The following SLCO1A2 variants were observed in gnomAD, a reference collection of about 807,000 sequenced individuals.
SLCO1A2 encodes OATP-1.
SLCO1A2 carries 67 observed loss-of-function variants against 69.0 expected under a neutral mutation model. The ratio of observed to expected loss-of-function variants is 0.97; its 90% CI spans 0.80 to 1.19. The LOEUF (loss-of-function observed/expected upper bound fraction) is 1.19, where lower values mean the gene tolerates loss of function less well. SLCO1A2 is among the 50% of genes most tolerant of loss of function. The pLI is 0.00. For missense variants in SLCO1A2, 787 were observed against 793.7 expected (o/e 0.99, Z 0.10); for synonymous variants, 260 against 265.9 (o/e 0.98, Z 0.22).
intron 14 of SLCO1A2, 130 bp from the exon 15 acceptor site, chr12:21,269,897 G>T: frequency 1.9e-6 from 1 of 520,866 alleles, no homozygotes; most frequent in Non-Finnish European, 3.1e-6. Context: ...TCTTATATAA[G>T]CAACTTTGCT....
rs1941856289 is a variant in SLCO1A2, at chr12:21,408,390, A to G, written c.-312+9492T>C. Among the ~76,000 whole-genome samples, 6 of 152,182 alleles carry G rather than the reference A, an allele frequency of 3.9e-5. No individual in the cohort carries two copies. The South Asian group carries it at 1.2e-3, about 32-fold the overall frequency. ...AGGTCATCATTCCTCCCTCAGCAAC[A>G]GTGAAACATAGAGTCCTTTAAGTTG... On this transcript the variant is annotated intron_variant, in intron 1 of 4. Transcript: ENST00000413682.
chr12:21,273,670 C>T lies in SLCO1A2; in HGVS notation c.1793+799G>A, dbSNP rs914777615. On this transcript the variant is annotated intron_variant, in intron 14 of 14. Transcript: ENST00000683939. ...CCTCAACTGTGGTAGAAATCCACCG[C>T]ATACATAGCATGTAGCTGAGCTTCC... is the stretch of plus-strand genomic sequence containing the variant. 3.3e-5 allele frequency among the ~76,000 whole-genome samples: 5 copies of T among 152,164 alleles called. No homozygotes were observed. The South Asian group carries it at 1.0e-3, about 32-fold the overall frequency.
chr12:21,323,184 T>C (rs1160985790), intron 2 of SLCO1A2, among the ~76,000 whole-genome samples: 1 of 152,240 alleles, frequency 6.6e-6, no homozygotes, highest in Non-Finnish European at 1.5e-5. Flanking sequence ...TGCATTGAGC[T>C]ACTATAATCT....
rs780412909 is a variant in SLCO1A2 at position 21,266,992 on chromosome 12, CTT to C, written c.*2554_*2555del. On this transcript the variant is annotated 3_prime_UTR_variant, in exon 15 of 15. Transcript: ENST00000683939. Reference sequence around the variant, plus strand: ...CTCTCGACTTCTCACTACCTGTTCTCTTGTTTCTCTTCTCCATGTCTGTCCGC... The same window carrying C: ...CTCTCGACTTCTCACTACCTGTTCTCGTTTCTCTTCTCCATGTCTGTCCGC... 1.3e-5 allele frequency: 2 copies of C among 152,050 alleles called. No homozygotes were observed. The highest frequency in any genetic ancestry group is 4.8e-5 in the African/African-American group (2 of 41,412). 9.4% of individuals were successfully genotyped at this position (152,050 alleles called of 1,614,324 possible).
chr12:21,297,363 G>A (rs746449456), intron 9 of SLCO1A2, 41 bp downstream of exon 9: 16 of 1,546,798 alleles, frequency 1.0e-5, no homozygotes, highest in African/African-American at 5.5e-5. Context: ...CTGTTCGTGG[G>A]GGGGAAAGTG....
At chr12:21,318,998 C>T (rs1207933753) in intron 2 of SLCO1A2, 75 bp from the exon 3 acceptor site, 28 of 1,144,598 alleles carry the variant, frequency 2.4e-5, no homozygotes, top group South Asian at 1.5e-4. Context: ...GACAAAATGC[C>T]TTCCACCATA....
chr12:21,365,741 T>C (rs1939324178), intron 2 of SLCO1A2, among the ~76,000 whole-genome samples: 1 of 152,020 alleles, frequency 6.6e-6, no homozygotes, highest in Admixed American at 6.6e-5. Flanking sequence ...GGGTGAAGGA[T>C]ATGAACAGAC....
rs1027397248 is a variant in SLCO1A2, at chr12:21,384,019, G to A, written c.-189-9494C>T. ...GCATCTTATACTCCCTTTGTAAAAC[G>A]GATAGTAATATCTATCTTGAATAGT... On this transcript the variant is annotated intron_variant, in intron 1 of 15. Transcript: ENST00000307378. 6.6e-5 allele frequency among the ~76,000 whole-genome samples: 10 copies of A among 152,144 alleles called. No homozygotes were observed. The South Asian group carries it at 1.0e-3, about 16-fold the overall frequency.
intron 2 of SLCO1A2, among the ~76,000 whole-genome samples, chr12:21,365,860 T>C (rs765198561): frequency 3.4e-4 from 52 of 152,196 alleles, no homozygotes; most frequent in Admixed American, 1.0e-3. Context: ...TACCATCTCA[T>C]GCCAGTTAGA....
chr12:21,286,690 C>A (rs1307810329), intron 12 of SLCO1A2, among the ~76,000 whole-genome samples: 1 of 120,644 alleles, frequency 8.3e-6, no homozygotes, highest in Admixed American at 9.0e-5. Context: ...GAACAGAGCC[C>A]TCAGAAATAA....
chr12:21,299,881 TATATAC>T, intron 8 of SLCO1A2, among the ~76,000 whole-genome samples: 1 of 64,988 alleles, frequency 1.5e-5, no homozygotes, highest in African/African-American at 3.5e-5. Context: ...TGTGTATATA[TATATAC>T]GTGTATATAT....
chr12:21,284,435 T>C (rs185166698), intron 12 of SLCO1A2, among the ~76,000 whole-genome samples: 109 of 152,016 alleles, frequency 7.2e-4, no homozygotes, highest in African/African-American at 2.4e-3. Context: ...CTGTCAACAT[T>C]AGACAGATCA....
chr12:21,407,657 C>G (rs1941842096), intron 1 of SLCO1A2, among the ~76,000 whole-genome samples: 1 of 151,986 alleles, frequency 6.6e-6, no homozygotes, highest in Non-Finnish European at 1.5e-5. Flanking sequence ...AAAAATTAGC[C>G]AGGCATGGTA....
intron 1 of SLCO1A2, chr12:21,378,534 G>A: frequency 1.1e-6 from 1 of 938,582 alleles, no homozygotes. Flanking sequence ...TGTGTCTGAT[G>A]TTTGTTGCTA....
At chr12:21,377,019 AAT>A (rs1940248396) in intron 1 of SLCO1A2, among the ~76,000 whole-genome samples, 1 of 152,204 alleles carries the variant, frequency 6.6e-6, no homozygotes, top group African/African-American at 2.4e-5. Flanking sequence ...CTGTCAAAAA[AAT>A]AGAGTTGGTA....
At chr12:21,380,910 T>G (rs1940548534) in intron 1 of SLCO1A2, among the ~76,000 whole-genome samples, 1 of 122,990 alleles carries the variant, frequency 8.1e-6, no homozygotes, top group South Asian at 2.9e-4. Context: ...CCAAGAATTA[T>G]CAGGCGACTA....
At chr12:21,293,284 C>G (rs1947179142) in intron 11 of SLCO1A2, among the ~76,000 whole-genome samples, 1 of 152,020 alleles carries the variant, frequency 6.6e-6, no homozygotes, top group African/African-American at 2.4e-5. Flanking sequence ...GCTTAGGCGA[C>G]AGAGTGAGAC....
At chr12:21,347,712 G>GAAAA in intron 2 of SLCO1A2, among the ~76,000 whole-genome samples, 1 of 151,862 alleles carries the variant, frequency 6.6e-6, no homozygotes, top group African/African-American at 2.4e-5. Context: ...AGGAAAAAAG[G>GAAAA]AAGGAAGAGG....
rs1023656575 is a variant in SLCO1A2 at position 21,388,637 on chromosome 12, G to T, written c.-190+6269C>A. On this transcript the variant is annotated intron_variant, in intron 1 of 15. Transcript: ENST00000307378. ...CTTGGGTATTTCTTTATAGCAGTAT[G>T]AAAATGGACTAATACATCTAGCAAT... is the stretch of plus-strand genomic sequence containing the variant. 2.6e-5 allele frequency among the ~76,000 whole-genome samples: 4 copies of T among 152,128 alleles called. No individual in the cohort carries two copies. In the South Asian group the frequency reaches 6.2e-4, roughly 24 times the overall value.
Sources: allele counts gnomAD v4.1 joint callset (sites outside exome capture counted in the v4.1 genomes callset), GRCh38; gene constraint gnomAD v4.1.1; transcripts MANE v1.5; gene names NCBI Gene and HGNC (gene_info 2026-07-23, HGNC 2026-07-21).